WNT2: variants seen among roughly 807,000 people sequenced by gnomAD.
The protein encoded by WNT2 is protein Wnt-2.
WNT2 carries 12 observed loss-of-function variants against 36.9 expected under a neutral mutation model. The ratio of observed to expected loss-of-function variants is 0.33; its 90% CI spans 0.21 to 0.53. The LOEUF (loss-of-function observed/expected upper bound fraction) is 0.53, where lower values mean the gene tolerates loss of function less well. Ranked by LOEUF, WNT2 falls within the 20% of genes least tolerant of loss-of-function variation. The probability of loss-of-function intolerance (pLI) is 0.95; values close to 1 mark genes in which losing one functional copy is unlikely to be tolerated. For synonymous variants in WNT2, 163 were observed against 174.6 expected (o/e 0.93, Z 0.52); for missense variants, 379 against 473.1 (o/e 0.80, Z 1.84).
At position 117,315,107 on chromosome 7, in the gene WNT2, G is replaced by T; in HGVS notation, c.552C>A (p.Ala184=). ...CTCTGTTGTTGTGAAGATTCATCAG[G>T]GCTCTGGCATCCTTTCCTTTCCTTT... ...AKERKGKDAR[A]LMNLHNNRAG... is the part of the protein sequence containing the mutation. The change falls in exon 3 of 5, where the codon GCC becomes GCA. Residue 184 remains alanine, a synonymous_variant. Coordinates refer to ENST00000265441, the MANE Select transcript of WNT2 (RefSeq NM_003391.3). The T allele has an allele frequency of 6.2e-7, 1 of 1,614,132 alleles. No homozygotes were observed. Among genetic ancestry groups the T allele is most frequent in the Non-Finnish European group, 8.5e-7 (1 of 1,180,010 alleles).
intron 3 of WNT2, among the ~76,000 whole-genome samples, chr7:117,303,222 C>T (rs577072324): frequency 2.6e-4 from 39 of 152,248 alleles, no homozygotes; most frequent in African/African-American, 8.2e-4. Context: ...ACCCCTGCAC[C>T]GTGGCGGGAG....
At position 117,284,810 on chromosome 7, in the gene WNT2, C is replaced by A. The variant is rs762934179; in HGVS notation, c.854-6426G>T. ...TTCTCATAAGCTTATAAGGAAGGTA[C>A]TATTATTATCACCATTTTGGAAATG... On this transcript the variant is annotated intron_variant, in intron 4 of 4. Coordinates refer to ENST00000265441, the MANE Select transcript of WNT2 (RefSeq NM_003391.3). The surrounding 1 kb of genome is among the most constrained non-coding windows in gnomAD (Gnocchi z 5.2). Among the ~76,000 whole-genome samples, 6 of 152,194 alleles carry A rather than the reference C, an allele frequency of 3.9e-5. No homozygotes were observed. The highest frequency in any genetic ancestry group is 8.8e-5 in the Non-Finnish European group (6 of 68,038).
chr7:117,296,945 C>A (rs891296352), intron 4 of WNT2, among the ~76,000 whole-genome samples: 1 of 152,164 alleles, frequency 6.6e-6, no homozygotes, highest in Admixed American at 6.5e-5. Context: ...TGAAGTAGGG[C>A]AGATTTCAGA....
rs895632286 is a variant in WNT2 at position 117,277,578 on chromosome 7, G to C, written c.*577C>G. On this transcript the variant is annotated 3_prime_UTR_variant, in exon 5 of 5. Transcript: ENST00000265441. ...AAAATACACATTTTAAACTTAAAAG[G>C]GTATTGAAAGCCATTCTTCTCCAGG... is the stretch of plus-strand genomic sequence containing the variant. The C allele has an allele frequency of 1.9e-5, 3 of 154,682 alleles. No individual in the cohort carries two copies. The highest frequency in any genetic ancestry group is 7.2e-5 in the African/African-American group (3 of 41,432). 9.6% of individuals were successfully genotyped at this position (154,682 alleles called of 1,614,324 possible).
intron 2 of WNT2, among the ~76,000 whole-genome samples, chr7:117,317,198 C>T (rs987485511): frequency 2.6e-5 from 4 of 151,962 alleles, no homozygotes; most frequent in Admixed American, 6.6e-5. Flanking sequence ...ACATGGAAGA[C>T]GGGGATGATA....
intron 3 of WNT2, among the ~76,000 whole-genome samples, chr7:117,299,041 AG>A (rs2116358528): frequency 6.6e-6 from 1 of 152,336 alleles, no homozygotes; most frequent in South Asian, 2.1e-4. Flanking sequence ...CTGGAGGGCA[AG>A]GATGGAGAAG....
At chr7:117,285,439 C>G (rs765825784) in intron 4 of WNT2, among the ~76,000 whole-genome samples, 6 of 152,206 alleles carry the variant, frequency 3.9e-5, no homozygotes, top group Non-Finnish European at 8.8e-5. Context: ...CCAATAGCAT[C>G]AATTTGTATC....
rs562384483 is a variant in WNT2, at chr7:117,295,314, T to C, written c.853+2298A>G. ...CTTATAGACTTTCTGTGAGAGTCAATGAGAGAATGTAGCTGCAGCTCTGGC... is the reference window on the plus strand; with the variant it reads ...CTTATAGACTTTCTGTGAGAGTCAACGAGAGAATGTAGCTGCAGCTCTGGC... On this transcript the variant is annotated intron_variant, in intron 4 of 4. Coordinates refer to ENST00000265441, the MANE Select transcript of WNT2 (RefSeq NM_003391.3). Among the ~76,000 whole-genome samples the C allele has an allele frequency of 3.3e-5, 5 of 152,294 alleles. No homozygotes were observed. The South Asian group carries it at 8.3e-4, about 25-fold the overall frequency.
intron 2 of WNT2, 135 bp downstream of exon 2, chr7:117,320,432 G>A (rs1795300869): frequency 1.2e-6 from 1 of 848,710 alleles, no homozygotes; most frequent in East Asian, 2.7e-5. Context: ...TGTAGAACAG[G>A]GACAATGACG....
chr7:117,280,507 A>G (rs1794461812), intron 4 of WNT2, among the ~76,000 whole-genome samples: 1 of 152,270 alleles, frequency 6.6e-6, no homozygotes, highest in South Asian at 2.1e-4. Flanking sequence ...AGATACTTCC[A>G]CTACTTTGGG....
intron 4 of WNT2, among the ~76,000 whole-genome samples, chr7:117,285,067 C>T (rs1466809715): frequency 6.6e-6 from 1 of 152,224 alleles, no homozygotes; most frequent in East Asian, 1.9e-4. Context: ...CCCGTACTCT[C>T]TTCTAATTCT....
At chr7:117,292,221 G>A (rs1794702688) in intron 4 of WNT2, among the ~76,000 whole-genome samples, 1 of 151,966 alleles carries the variant, frequency 6.6e-6, no homozygotes, top group African/African-American at 2.4e-5. Context: ...CTCTTTGTGG[G>A]CACCTCACCC....
At chr7:117,305,202 G>C (rs1461520665) in intron 3 of WNT2, among the ~76,000 whole-genome samples, 2 of 152,160 alleles carry the variant, frequency 1.3e-5, no homozygotes, top group African/African-American at 2.4e-5. Flanking sequence ...CCATCCATTT[G>C]TCCATTTTTC....
At chr7:117,293,182 A>G (rs1421243855) in intron 4 of WNT2, among the ~76,000 whole-genome samples, 2 of 150,452 alleles carry the variant, frequency 1.3e-5, no homozygotes, top group African/African-American at 4.9e-5. Flanking sequence ...TGCTGGTTCA[A>G]TAGGTTTCTG....
At chr7:117,306,477 C>T (rs931136354) in intron 3 of WNT2, among the ~76,000 whole-genome samples, 4 of 152,180 alleles carry the variant, frequency 2.6e-5, no homozygotes, top group African/African-American at 9.7e-5. Context: ...TGTGGGATAC[C>T]GAAAGCTTCC....
chr7:117,322,897 G>T lies in WNT2; in HGVS notation c.83+10C>A. ...TCCAAAATCCCCCGCGCCCGTGCGCGTGGACTTACCACCATGAAGAGTTGA... is the reference window on the plus strand; with the variant it reads ...TCCAAAATCCCCCGCGCCCGTGCGCTTGGACTTACCACCATGAAGAGTTGA... On this transcript the variant is annotated intron_variant, in intron 1 of 4. Coordinates refer to ENST00000265441, the MANE Select transcript of WNT2 (RefSeq NM_003391.3). This position sits in a 1 kb window ranked among gnomAD's most constrained non-coding sequence, Gnocchi z 5.4. 6.2e-7 allele frequency: 1 copy of T among 1,613,214 alleles called. No individual in the cohort carries two copies. Among genetic ancestry groups the T allele is most frequent in the Non-Finnish European group, 8.5e-7 (1 of 1,179,766 alleles).
At chr7:117,319,122 T>C (rs533712705) in intron 2 of WNT2, among the ~76,000 whole-genome samples, 1 of 152,214 alleles carries the variant, frequency 6.6e-6, no homozygotes. Flanking sequence ...CCATGCATAA[T>C]ATATCCAAAG....
Position 117,320,575 on chromosome 7 carries a change from A to G in WNT2, c.302T>C (p.Leu101Pro). 1 of 1,613,314 alleles carries G rather than the reference A, an allele frequency of 6.2e-7. No individual in the cohort carries two copies. The highest frequency in any genetic ancestry group is 8.5e-7 in the Non-Finnish European group (1 of 1,179,692). The stretch of plus-strand genomic sequence containing the variant: ...GAAGGCAGGAGACTTACTTCGGAGT[A>G]GGACCCTGCCAAAAAGGCTGTGATC... ...DRDHSLFGRVLLRSSRESAFV... is the reference protein window; with the variant it reads ...DRDHSLFGRVPLRSSRESAFV... Residue 101 changes from leucine to proline, a missense_variant, in exon 2 of 5, where the codon CTA becomes CCA. Transcript: ENST00000265441.
chr7:117,286,174 C>T (rs1046908396), intron 4 of WNT2, among the ~76,000 whole-genome samples: 1 of 152,050 alleles, frequency 6.6e-6, no homozygotes, highest in Non-Finnish European at 1.5e-5. Flanking sequence ...AAGTTTGGGA[C>T]CATGTAACAC....
Sources: allele counts gnomAD v4.1 joint callset (sites outside exome capture counted in the v4.1 genomes callset), GRCh38; gene constraint gnomAD v4.1.1; non-coding constraint Gnocchi (gnomAD v3.1); transcripts MANE v1.5; gene names NCBI Gene and HGNC (gene_info 2026-07-23, HGNC 2026-07-21).